Variants in TRAPPC3L observed in about 807,000 individuals in gnomAD.
TRAPPC3L encodes the protein trafficking protein particle complex subunit 3L.
A neutral mutation model predicts 23.7 loss-of-function variants in TRAPPC3L; 23 were observed. That is an observed-to-expected ratio of 0.97 (90% CI 0.70 to 1.37). TRAPPC3L has a LOEUF of 1.37. Ranked by LOEUF, TRAPPC3L falls within the 40% of genes most tolerant of loss-of-function variation. The probability of loss-of-function intolerance (pLI) is 0.00; values close to 1 mark genes in which losing one functional copy is unlikely to be tolerated. For missense variants in TRAPPC3L, 212 were observed against 216.8 expected, an observed-to-expected ratio of 0.98 and a Z score of 0.14; for synonymous variants, 81 against 77.9, an observed-to-expected ratio of 1.04 and a Z score of -0.21.
intron 3 of TRAPPC3L, chr6:116,522,632 A>C (rs1772365509): frequency 6.6e-6 from 1 of 152,190 alleles, no homozygotes; most frequent in Non-Finnish European, 1.5e-5. Context: ...TTTTGTTTGA[A>C]AGGAATACAA....
At chr6:116,512,940 A>T (rs1772152572) in intron 3 of TRAPPC3L, among the ~76,000 whole-genome samples, 1 of 152,220 alleles carries the variant, frequency 6.6e-6, no homozygotes, top group Admixed American at 6.5e-5. Context: ...GCATTGTTTT[A>T]TTTAACAGAA....
chr6:116,496,501 A>G lies in TRAPPC3L; in HGVS notation c.*453T>C, dbSNP rs1771834967. On this transcript the variant is annotated 3_prime_UTR_variant, in exon 5 of 5. Coordinates refer to ENST00000368602, the MANE Select transcript of TRAPPC3L (RefSeq NM_001139444.3). ...AATCATATTTTTTTAGAAATATGGA[A>G]TTATTTATTTAAGGAATGCAATATA... The G allele has an allele frequency of 1.3e-5, 2 of 152,312 alleles. No individual in the cohort carries two copies. The highest frequency in any genetic ancestry group is 4.1e-4 in the South Asian group (2 of 4,828). 9.4% of individuals were successfully genotyped at this position (152,312 alleles called of 1,614,324 possible). A position where few individuals can be genotyped will look rare whatever the true frequency, so the allele number is the denominator to read the frequency against.
At chr6:116,510,569 T>C (rs958341272) in intron 3 of TRAPPC3L, among the ~76,000 whole-genome samples, 12 of 152,126 alleles carry the variant, frequency 7.9e-5, no homozygotes, top group Non-Finnish European at 1.3e-4. Flanking sequence ...ATTACAGACA[T>C]GAACCACGGC....
chr6:116,503,596 T>G (rs2115156405), intron 3 of TRAPPC3L, among the ~76,000 whole-genome samples: 1 of 152,352 alleles, frequency 6.6e-6, no homozygotes, highest in South Asian at 2.1e-4. Context: ...ACATCGCACT[T>G]ATTCTAACAT....
At chr6:116,516,276 T>G (rs532608972) in intron 3 of TRAPPC3L, 46 of 280,856 alleles carry the variant, frequency 1.6e-4, no homozygotes, top group African/African-American at 9.5e-4. Context: ...GACAGACTCA[T>G]GTGAGAGGGC....
At chr6:116,516,962 C>A (rs1273705911) in intron 3 of TRAPPC3L, 1 of 152,824 alleles carries the variant, frequency 6.5e-6, no homozygotes, top group Non-Finnish European at 1.5e-5. Context: ...TTATTTCTCA[C>A]AGTTCTGGAG....
chr6:116,541,475 C>A (rs563430127), intron 2 of TRAPPC3L, among the ~76,000 whole-genome samples: 1 of 152,234 alleles, frequency 6.6e-6, no homozygotes, highest in African/African-American at 2.4e-5. Context: ...ACTCCAGAGG[C>A]TCTAAAAAGA....
At chr6:116,543,945 C>G in intron 1 of TRAPPC3L, 2 of 1,193,116 alleles carry the variant, frequency 1.7e-6, no homozygotes, top group Non-Finnish European at 2.3e-6. Flanking sequence ...CAAAATATGT[C>G]CCATTTTTAG....
intron 3 of TRAPPC3L, among the ~76,000 whole-genome samples, chr6:116,537,103 C>G (rs867931100): frequency 6.6e-6 from 1 of 152,124 alleles, no homozygotes; most frequent in African/African-American, 2.4e-5. Flanking sequence ...GGAAATCAGG[C>G]CTTTGAAGGA....
intron 3 of TRAPPC3L, among the ~76,000 whole-genome samples, chr6:116,504,485 C>T (rs1467628358): frequency 1.3e-5 from 2 of 152,180 alleles, no homozygotes; most frequent in Admixed American, 1.3e-4. Context: ...CCTTCTGAAA[C>T]TATTCCAATC....
chr6:116,505,117 C>T (rs1419438614), intron 3 of TRAPPC3L, among the ~76,000 whole-genome samples: 1 of 152,132 alleles, frequency 6.6e-6, no homozygotes, highest in Non-Finnish European at 1.5e-5. Context: ...ATTTAGAAAA[C>T]CCCATTGTCT....
intron 3 of TRAPPC3L, chr6:116,521,469 C>A (rs1332958443): frequency 6.6e-6 from 1 of 151,526 alleles, no homozygotes; most frequent in Non-Finnish European, 1.5e-5. Flanking sequence ...TGACCCAACT[C>A]CAGGAGACAG....
In TRAPPC3L at chr6:116,497,092, A is replaced by T; in HGVS notation, c.427-19T>A. 1 of 1,535,818 alleles carries T rather than the reference A, an allele frequency of 6.5e-7. No homozygotes were observed. The highest frequency in any genetic ancestry group is 1.2e-5 in the South Asian group (1 of 80,502). ...AATGAACCTAGGAAAGAAGAAAAAAACAGGCCTGTGTCATTCAATTAAAAA... is the reference window on the plus strand; with the variant it reads ...AATGAACCTAGGAAAGAAGAAAAAATCAGGCCTGTGTCATTCAATTAAAAA... On this transcript the variant is annotated intron_variant, in intron 4 of 4. Coordinates refer to ENST00000368602, the MANE Select transcript of TRAPPC3L (RefSeq NM_001139444.3).
intron 3 of TRAPPC3L, chr6:116,521,822 C>G (rs1772348658): frequency 6.6e-6 from 1 of 152,210 alleles, no homozygotes; most frequent in African/African-American, 2.4e-5. Context: ...GTTATCCTCA[C>G]TTTGAATCTG....
chr6:116,501,803 T>A (rs1351113545), intron 3 of TRAPPC3L, among the ~76,000 whole-genome samples: 2 of 152,042 alleles, frequency 1.3e-5, no homozygotes, highest in African/African-American at 4.8e-5. Flanking sequence ...GAAGGAAAAC[T>A]AACGAACAGA....
At chr6:116,501,485 C>T (rs1389024849) in intron 3 of TRAPPC3L, among the ~76,000 whole-genome samples, 2 of 152,218 alleles carry the variant, frequency 1.3e-5, no homozygotes, top group Non-Finnish European at 2.9e-5. Context: ...CTTAAACGTT[C>T]CTGCCTGACA....
At chr6:116,506,110 A>C (rs1306227048) in intron 3 of TRAPPC3L, among the ~76,000 whole-genome samples, 2 of 152,222 alleles carry the variant, frequency 1.3e-5, no homozygotes, top group Non-Finnish European at 2.9e-5. Flanking sequence ...AAATTTTTGC[A>C]ATCTACCCAT....
At position 116,543,291 on chromosome 6, in the gene TRAPPC3L, A is replaced by T; in HGVS notation, c.140+12T>A. ...AACAGCCATTCAATAAGAATGAAGGACTTCCACTTACATTTTATCTAAATA... is the reference window on the plus strand; with the variant it reads ...AACAGCCATTCAATAAGAATGAAGGTCTTCCACTTACATTTTATCTAAATA... On this transcript the variant is annotated intron_variant, in intron 2 of 4. Coordinates refer to ENST00000368602, the MANE Select transcript of TRAPPC3L (RefSeq NM_001139444.3). 3 of 1,535,862 alleles carry T rather than the reference A, an allele frequency of 2.0e-6. No homozygotes were observed. The highest frequency in any genetic ancestry group is 2.6e-6 in the Non-Finnish European group (3 of 1,135,886).
intron 3 of TRAPPC3L, among the ~76,000 whole-genome samples, chr6:116,507,234 AC>A (rs1434092579): frequency 6.6e-6 from 1 of 152,136 alleles, no homozygotes; most frequent in Non-Finnish European, 1.5e-5. Context: ...AAAGTATAAA[AC>A]CCTGGACTAG....
Sources: gnomAD v4.1 joint callset for allele counts (sites outside exome capture counted in the v4.1 genomes callset) on GRCh38, gnomAD v4.1.1 for gene constraint, MANE v1.5 for transcripts, NCBI Gene and HGNC (gene_info 2026-07-23, HGNC 2026-07-21) for gene names.